Variants in FOXN4 observed in about 807,000 individuals in gnomAD.
FOXN4 encodes forkhead box N4, also known as forkhead box protein N4.
In FOXN4, 12 loss-of-function variants were observed where a neutral mutation model predicts 45.0. The observed-to-expected ratio is 0.27, with a 90% CI of 0.17 to 0.43. The LOEUF (loss-of-function observed/expected upper bound fraction) is 0.43. FOXN4 is among the 20% of genes least tolerant of loss of function. The pLI is 1.00. For missense variants in FOXN4, 560 were observed against 694.9 expected, an observed-to-expected ratio of 0.81 and a Z score of 2.18; for synonymous variants, 297 against 295.0, an observed-to-expected ratio of 1.01 and a Z score of -0.07.
At chr12:109,293,739 G>A (rs779639061) in intron 2 of FOXN4, among the ~76,000 whole-genome samples, 5 of 152,168 alleles carry the variant, frequency 3.3e-5, no homozygotes, top group Non-Finnish European at 5.9e-5. Flanking sequence ...CTTGTGATCC[G>A]CCCATCTTGG....
rs774432999 is a variant in FOXN4 at position 109,279,256 on chromosome 12, T to G, written c.*415A>C. On this transcript the variant is annotated 3_prime_UTR_variant, in exon 10 of 10. Transcript: ENST00000299162. Reference sequence around the variant, plus strand: ...TCCCATGAGGATGAATTCAAGGGCTTTCACCCCAGGGTGTTTCCTTAATGC... The same window carrying G: ...TCCCATGAGGATGAATTCAAGGGCTGTCACCCCAGGGTGTTTCCTTAATGC... 4.1e-6 allele frequency: 1 copy of G among 241,258 alleles called. No individual in the cohort carries two copies. The highest frequency in any genetic ancestry group is 8.2e-6 in the Non-Finnish European group (1 of 121,964). 14.9% of individuals were successfully genotyped at this position (241,258 alleles called of 1,614,324 possible).
In FOXN4 at chr12:109,279,713, C is replaced by G; in HGVS notation, c.1512G>C (p.Gln504His). 1 of 1,575,172 alleles carries G rather than the reference C, an allele frequency of 6.3e-7. No individual in the cohort carries two copies. The highest frequency in any genetic ancestry group is 2.4e-5 in the East Asian group (1 of 42,520). The change falls in exon 10 of 10, where the codon CAG becomes CAC. Residue 504 changes from glutamine to histidine, a missense_variant. Around this residue, in one of 5 missense-constraint regions of FOXN4, gnomAD observed 315 missense variants for 350.5 expected, o/e 0.90. Coordinates refer to ENST00000299162, the MANE Select transcript of FOXN4 (RefSeq NM_213596.3). ...VAASGTSSSS[Q>H]YLGAQGNKPI... ...GCTTGTTCCCCTGTGCACCCAGGTA[C>G]TGGGAGGAGGAGCTGGTGCCCGATG...
At chr12:109,305,883 C>T (rs1164410074) in intron 2 of FOXN4, among the ~76,000 whole-genome samples, 3 of 152,180 alleles carry the variant, frequency 2.0e-5, no homozygotes, top group Admixed American at 1.3e-4. Flanking sequence ...CCCCACTCCC[C>T]AACTCCTGAC....
intron 2 of FOXN4, among the ~76,000 whole-genome samples, chr12:109,301,299 T>C (rs961909278): frequency 3.3e-5 from 5 of 152,190 alleles, no homozygotes; most frequent in African/African-American, 1.2e-4. Flanking sequence ...AGGCAAACCA[T>C]AGGTGCCATG....
chr12:109,308,170 A>G (rs2047937959), intron 2 of FOXN4, 66 bp downstream of exon 2: 1 of 1,308,350 alleles, frequency 7.6e-7, no homozygotes, highest in African/African-American at 1.5e-5. Flanking sequence ...TTCAGAAACC[A>G]TAAACAGCAT....
At chr12:109,308,102 CT>C (rs2136953945) in intron 2 of FOXN4, 133 bp downstream of exon 2, 1 of 762,570 alleles carries the variant, frequency 1.3e-6, no homozygotes, top group African/African-American at 1.8e-5. Flanking sequence ...GAAATCAAGA[CT>C]TTCCAGCTCT....
At chr12:109,304,861 A>C (rs2047907554) in intron 2 of FOXN4, among the ~76,000 whole-genome samples, 1 of 152,164 alleles carries the variant, frequency 6.6e-6, no homozygotes, top group Non-Finnish European at 1.5e-5. Context: ...GTGGGAAGTC[A>C]CTGTGTAATC....
At chr12:109,304,274 A>G (rs1386153470) in intron 2 of FOXN4, among the ~76,000 whole-genome samples, 26 of 95,242 alleles carry the variant, frequency 2.7e-4, no homozygotes, top group African/African-American at 1.1e-3. Flanking sequence ...AAAGAAAGAA[A>G]GAAAGAAAGA....
At chr12:109,284,761 TTGTGCATTTG>T (rs562971008) in intron 8 of FOXN4, among the ~76,000 whole-genome samples, 35 of 120,890 alleles carry the variant, frequency 2.9e-4, no homozygotes, top group South Asian at 1.7e-3. Context: ...GTGTGTGTGT[TTGTGCATTTG>T]TGTGCATTTG....
intron 8 of FOXN4, among the ~76,000 whole-genome samples, chr12:109,284,564 T>C (rs1408873138): frequency 2.6e-5 from 4 of 151,828 alleles, no homozygotes; most frequent in African/African-American, 9.7e-5. Context: ...CGCACGTGTG[T>C]GTGCGTGCGT....
At position 109,287,290 on chromosome 12, in the gene FOXN4, T is replaced by C; in HGVS notation, c.596+107A>G. 7.0e-7 allele frequency: 1 copy of C among 1,433,300 alleles called. No individual in the cohort carries two copies. The highest frequency in any genetic ancestry group is 9.4e-7 in the Non-Finnish European group (1 of 1,059,770). The allele number at this position is 1,433,300 out of a possible 1,614,324, so 88.8% of individuals were successfully genotyped here. ...TCCCCACTCCCCAAAACCTCCCCCT[T>C]GGAAGTCTGGGCTGCCACACTAGCT... On this transcript the variant is annotated intron_variant, in intron 6 of 9. Transcript: ENST00000299162. This position sits in a 1 kb window ranked among gnomAD's most constrained non-coding sequence, Gnocchi z 4.1.
chr12:109,290,958 C>T lies in FOXN4; in HGVS notation c.87-672G>A, dbSNP rs2047761602. On this transcript the variant is annotated intron_variant, in intron 2 of 9. Coordinates refer to ENST00000299162, the MANE Select transcript of FOXN4 (RefSeq NM_213596.3). The surrounding 1 kb of genome is among the most constrained non-coding windows in gnomAD (Gnocchi z 5.1). ...AGATGTAGGGTGGGCCCATACTCCCCTCGTACAGATGAGAAAACTGAGGCT... is the reference window on the plus strand; with the variant it reads ...AGATGTAGGGTGGGCCCATACTCCCTTCGTACAGATGAGAAAACTGAGGCT... 6.6e-6 allele frequency among the ~76,000 whole-genome samples: 1 copy of T among 152,214 alleles called. No individual in the cohort carries two copies. Among genetic ancestry groups the T allele is most frequent in the South Asian group, 2.1e-4 (1 of 4,828 alleles).
chr12:109,286,599 G>C (rs772773564), intron 7 of FOXN4, 49 bp downstream of exon 7: 1 of 1,556,304 alleles, frequency 6.4e-7, no homozygotes, highest in Non-Finnish European at 8.7e-7. Flanking sequence ...GGCAGCACCA[G>C]GAAGAGACCA....
rs1207528322 is a variant in FOXN4, at chr12:109,279,926, G to A, written c.1299C>T (p.Asn433=). ...PSIMDFALQG[N]LWEEMKDEGF... ...CCTCATCCTTCATCTCCTCCCACAG[G>A]TTCCCTTTCAAAGACAAAAGCATTA... The change falls in exon 10 of 10, where the codon AAC becomes AAT. Residue 433 remains asparagine (N), a synonymous_variant. Transcript: ENST00000299162. 1 of 1,613,834 alleles carries A rather than the reference G, an allele frequency of 6.2e-7. No individual in the cohort carries two copies. The highest frequency in any genetic ancestry group is 8.5e-7 in the Non-Finnish European group (1 of 1,179,808).
At chr12:109,303,270 C>G (rs541493040) in intron 2 of FOXN4, among the ~76,000 whole-genome samples, 1 of 152,108 alleles carries the variant, frequency 6.6e-6, no homozygotes, top group African/African-American at 2.4e-5. Context: ...GGGAAGACAT[C>G]GGGATGGTTA....
intron 7 of FOXN4, 26 bp from the exon 8 acceptor site, chr12:109,285,537 G>A (rs1477982838): frequency 1.2e-6 from 2 of 1,613,056 alleles, no homozygotes; most frequent in East Asian, 4.5e-5. Flanking sequence ...GGCATTCAGA[G>A]GCCTCCCTGT....
At chr12:109,286,504 G>A in intron 7 of FOXN4, 144 bp downstream of exon 7, 1 of 731,338 alleles carries the variant, frequency 1.4e-6, no homozygotes, top group Non-Finnish European at 2.2e-6. Context: ...TTCTGTGTGA[G>A]TGTGTGTGCA....
intron 7 of FOXN4, 51 bp from the exon 8 acceptor site, chr12:109,285,562 AC>A: frequency 6.3e-7 from 1 of 1,586,932 alleles, no homozygotes; most frequent in Admixed American, 1.7e-5. Context: ...CCTTCCCCCT[AC>A]CCCGGGGATC....
intron 6 of FOXN4, chr12:109,286,972 A>T (rs959818122): frequency 1.8e-6 from 2 of 1,131,726 alleles, no homozygotes; most frequent in African/African-American, 3.2e-5. Context: ...TGACTTGAGA[A>T]ATCTTACCCT....
Sources: allele counts gnomAD v4.1 joint callset (sites outside exome capture counted in the v4.1 genomes callset), GRCh38; gene constraint gnomAD v4.1.1; regional missense constraint gnomAD v4.1.1; non-coding constraint Gnocchi (gnomAD v3.1); transcripts MANE v1.5; gene names NCBI Gene and HGNC (gene_info 2026-07-23, HGNC 2026-07-21).